The following UBXN4 variants were observed in gnomAD, a reference collection of about 807,000 sequenced individuals.
UBXN4 encodes the protein UBX domain-containing protein 4.
A neutral mutation model predicts 66.2 loss-of-function variants in UBXN4; 35 were observed. The ratio of observed to expected loss-of-function variants is 0.53; its 90% CI spans 0.40 to 0.70. The LOEUF (loss-of-function observed/expected upper bound fraction) is 0.70, where lower values mean the gene tolerates loss of function less well. Among genes scored for constraint, UBXN4 ranks in the 30% least tolerant of loss-of-function variants. The pLI, the probability that UBXN4 is intolerant of heterozygous loss-of-function variation, is 0.00. For missense variants in UBXN4, 533 were observed against 599.8 expected (o/e 0.89, Z 1.16); for synonymous variants, 203 against 204.5 (o/e 0.99, Z 0.06).
Position 135,761,219 on chromosome 2 carries a change from G to A in UBXN4, c.509-599G>A, listed in dbSNP as rs550344227. On this transcript the variant is annotated intron_variant, in intron 5 of 12. Coordinates refer to ENST00000272638, the MANE Select transcript of UBXN4 (RefSeq NM_014607.4). ...ACAGAGGTCTTGTAGAATAGGCTAG[G>A]ACAAAAGTCTATCTTTCAGGAAATC... 1.6e-4 allele frequency among the ~76,000 whole-genome samples: 24 copies of A among 152,240 alleles called. 1 individual carries two copies. The South Asian group carries it at 4.8e-3, about 30-fold the overall frequency.
chr2:135,780,429 G>A (rs1559544744), intron 12 of UBXN4, 44 bp downstream of exon 12: 1 of 1,577,310 alleles, frequency 6.3e-7, no homozygotes, highest in Admixed American at 1.7e-5. Context: ...TGTAAGTCAT[G>A]CCCAGTATCT....
intron 11 of UBXN4, among the ~76,000 whole-genome samples, chr2:135,779,889 T>TATAA (rs2077439281): frequency 7.2e-6 from 1 of 139,068 alleles, no homozygotes; most frequent in Non-Finnish European, 1.5e-5. Flanking sequence ...TTATAATATA[T>TATAA]TATATAAAAT....
chr2:135,745,875 CTT>C (rs59946844), intron 1 of UBXN4, among the ~76,000 whole-genome samples: 12 of 74,404 alleles, frequency 1.6e-4, no homozygotes, highest in South Asian at 1.2e-3. Context: ...GTCCCGTTTA[CTT>C]TTTTTTTTTT....
chr2:135,760,208 A>T (rs2077306719), intron 5 of UBXN4, among the ~76,000 whole-genome samples: 1 of 152,120 alleles, frequency 6.6e-6, no homozygotes, highest in Non-Finnish European at 1.5e-5. Context: ...GGAGGCCAAG[A>T]TCAGTTGAGC....
intron 5 of UBXN4, among the ~76,000 whole-genome samples, chr2:135,759,972 T>TTTGA: frequency 6.6e-6 from 1 of 152,086 alleles, no homozygotes; most frequent in South Asian, 2.1e-4. Context: ...TTCACCATGT[T>TTTGA]GGCCAGACTG....
intron 12 of UBXN4, among the ~76,000 whole-genome samples, chr2:135,780,993 G>A (rs942272548): frequency 6.6e-6 from 1 of 152,248 alleles, no homozygotes; most frequent in Non-Finnish European, 1.5e-5. Context: ...GGGAGGCTGA[G>A]GCGAGAGAAT....
intron 8 of UBXN4, among the ~76,000 whole-genome samples, chr2:135,771,534 G>T (rs1336727605): frequency 6.6e-6 from 1 of 152,206 alleles, no homozygotes; most frequent in East Asian, 1.9e-4. Flanking sequence ...TGTTCATTTG[G>T]TCAGTCAACA....
In UBXN4 at chr2:135,761,894, C is replaced by T. The variant is rs781724791; in HGVS notation, c.585C>T (p.Leu195=). The change falls in exon 6 of 13, where the codon CTC becomes CTT. Residue 195 remains leucine, a synonymous_variant. Coordinates refer to ENST00000272638, the MANE Select transcript of UBXN4 (RefSeq NM_014607.4). ...GCSDQRPAED[L]NIRVERLTKK... is the part of the protein sequence containing the mutation. ...CAGATCAGAGACCTGCAGAGGACCT[C>T]AACATCCGAGTGGAAAGGTTTGCTC... The T allele has an allele frequency of 1.2e-6, 2 of 1,612,994 alleles. No homozygotes were observed. Among genetic ancestry groups the T allele is most frequent in the Non-Finnish European group, 1.7e-6 (2 of 1,179,692 alleles).
At chr2:135,761,365 C>T (rs2077314596) in intron 5 of UBXN4, among the ~76,000 whole-genome samples, 1 of 152,218 alleles carries the variant, frequency 6.6e-6, no homozygotes, top group Non-Finnish European at 1.5e-5. Flanking sequence ...CTGTATTGCT[C>T]ACTGCTCAAT....
chr2:135,782,825 A>T lies in UBXN4; in HGVS notation c.1465A>T (p.Thr489Ser), dbSNP rs1188872896. 6.2e-7 allele frequency: 1 copy of T among 1,614,026 alleles called. No individual in the cohort carries two copies. Among genetic ancestry groups the T allele is most frequent in the East Asian group, 2.2e-5 (1 of 44,868 alleles). The change falls in exon 13 of 13, where the codon ACT (threonine) becomes TCT (serine). Residue 489 changes from threonine (T) to serine (S), a missense_variant. Thr to Ser is a moderately conservative substitution (Grantham distance 58, BLOSUM62 1). This residue lies in a region of UBXN4 where 529 missense variants were observed against 580.1 expected (regional missense o/e 0.91). Coordinates refer to ENST00000272638, the MANE Select transcript of UBXN4 (RefSeq NM_014607.4). ...GGAGGGGAAAATTTATAGATTAAGG[A>T]CTCAAGATGATGGTGAAGATGAAAA... The part of the protein sequence containing the change: ...KKEGKIYRLR[T>S]QDDGEDENNT...
At chr2:135,757,369 AT>A (rs2077284606) in intron 5 of UBXN4, among the ~76,000 whole-genome samples, 2 of 152,134 alleles carry the variant, frequency 1.3e-5, no homozygotes, top group African/African-American at 4.8e-5. Flanking sequence ...ATAACTTTTT[AT>A]TTTGAAATAG....
intron 2 of UBXN4, among the ~76,000 whole-genome samples, chr2:135,751,743 G>A (rs1010497067): frequency 2.6e-5 from 4 of 151,598 alleles, no homozygotes; most frequent in Admixed American, 6.6e-5. Context: ...TTTCTGAAAT[G>A]GTAGGATTTT....
chr2:135,749,219 C>T (rs896520203), intron 2 of UBXN4, among the ~76,000 whole-genome samples: 1 of 152,148 alleles, frequency 6.6e-6, no homozygotes, highest in African/African-American at 2.4e-5. Context: ...CAGTCATCTC[C>T]AGCTTCTAAA....
intron 8 of UBXN4, 144 bp downstream of exon 8, chr2:135,770,879 ATGAAT>A: frequency 1.3e-6 from 1 of 795,052 alleles, no homozygotes; most frequent in Non-Finnish European, 1.7e-6. Context: ...GAAATTGTAA[ATGAAT>A]TAAAATAGTT....
At chr2:135,774,171 T>C (rs2077398927) in intron 9 of UBXN4, among the ~76,000 whole-genome samples, 1 of 152,250 alleles carries the variant, frequency 6.6e-6, no homozygotes, top group Non-Finnish European at 1.5e-5. Context: ...TACAGGTCAT[T>C]GTAATAGAAT....
chr2:135,781,971 A>T (rs2105511247), intron 12 of UBXN4, among the ~76,000 whole-genome samples: 1 of 152,282 alleles, frequency 6.6e-6, no homozygotes, highest in East Asian at 1.9e-4. Context: ...CTGCCTGGGA[A>T]GCTGGGGCAG....
In UBXN4 at chr2:135,754,159, A is replaced by T; in HGVS notation, c.215A>T (p.Tyr72Phe). 1 of 1,609,330 alleles carries T rather than the reference A, an allele frequency of 6.2e-7. No homozygotes were observed. Among genetic ancestry groups the T allele is most frequent in the Non-Finnish European group, 8.5e-7 (1 of 1,175,688 alleles). The change falls in exon 4 of 13, where the codon TAT (tyrosine) becomes TTT (phenylalanine). Residue 72 changes from tyrosine (Y) to phenylalanine (F), a missense_variant and splice_region_variant. Tyr to Phe is a conservative substitution (Grantham distance 22). Coordinates refer to ENST00000272638, the MANE Select transcript of UBXN4 (RefSeq NM_014607.4). ...SEACLQFSQI[Y>F]PVVCVPSSFF... ...TGTTAGACTTCATTAAACTGTACAG[A>T]TCCTGTAGTGTGTGTTCCATCCAGT...
intron 11 of UBXN4, 82 bp from the exon 12 acceptor site, chr2:135,780,101 G>C: frequency 7.2e-7 from 1 of 1,391,360 alleles, no homozygotes; most frequent in East Asian, 2.3e-5. Context: ...TCCTTTTCCA[G>C]ATAAAAGTTT....
chr2:135,745,932 C>T (rs1191012030), intron 1 of UBXN4, among the ~76,000 whole-genome samples: 2 of 120,514 alleles, frequency 1.7e-5, no homozygotes, highest in Non-Finnish European at 3.2e-5. Context: ...GGCTGGAGTA[C>T]AGTGGTGCAA....
Sources: allele counts gnomAD v4.1 joint callset (sites outside exome capture counted in the v4.1 genomes callset), GRCh38; gene constraint gnomAD v4.1.1; regional missense constraint gnomAD v4.1.1; transcripts MANE v1.5; gene names NCBI Gene and HGNC (gene_info 2026-07-23, HGNC 2026-07-21).